ARL13B: variants seen among roughly 807,000 people sequenced by gnomAD.
ARL13B encodes ARF like GTPase 13B.
ARL13B carries 36 observed loss-of-function variants against 56.1 expected under a neutral mutation model. The ratio of observed to expected loss-of-function variants is 0.64; its 90% CI spans 0.49 to 0.85. The LOEUF is 0.85. ARL13B is among the 40% of genes least tolerant of loss of function. ARL13B has a pLI of 0.00. For synonymous variants in ARL13B, 178 were observed against 171.1 expected (o/e 1.04, Z -0.32); for missense variants, 519 against 507.1 (o/e 1.02, Z -0.23).
At chr3:93,980,938 T>G (rs1192867652) in intron 1 of ARL13B, among the ~76,000 whole-genome samples, 1 of 152,190 alleles carries the variant, frequency 6.6e-6, no homozygotes, top group Non-Finnish European at 1.5e-5. Context: ...CACTACTTAA[T>G]AATTACATGA....
chr3:93,992,967 ATTT>A (rs137978294), intron 1 of ARL13B, among the ~76,000 whole-genome samples: 39 of 114,526 alleles, frequency 3.4e-4, no homozygotes, highest in African/African-American at 1.0e-3. Context: ...TAATTTTTGT[ATTT>A]TTTTTTTTTT....
chr3:93,994,659 GTTAT>G (rs1301704143), intron 1 of ARL13B, among the ~76,000 whole-genome samples: 1 of 152,080 alleles, frequency 6.6e-6, no homozygotes. Flanking sequence ...ATGGTCAGTG[GTTAT>G]TTATTTAAGA....
chr3:94,046,180 T>C (rs1220633415), intron 7 of ARL13B, among the ~76,000 whole-genome samples: 2 of 151,804 alleles, frequency 1.3e-5, no homozygotes, highest in Non-Finnish European at 2.9e-5. Context: ...TTTTGATATA[T>C]GTATACATAT....
At chr3:94,034,160 C>T (rs145807688) in intron 3 of ARL13B, among the ~76,000 whole-genome samples, 30 of 151,662 alleles carry the variant, frequency 2.0e-4, no homozygotes, top group Non-Finnish European at 2.5e-4. Context: ...TTTTTAATAT[C>T]TGGGTGAAGT....
At chr3:93,980,577 C>G (rs1710163576) in intron 1 of ARL13B, 95 bp downstream of exon 1, 3 of 1,478,032 alleles carry the variant, frequency 2.0e-6, no homozygotes, top group Non-Finnish European at 2.8e-6. Flanking sequence ...CTGGACGAGT[C>G]TATCCCAGGC....
chr3:94,026,120 C>T (rs1341596319), intron 3 of ARL13B, among the ~76,000 whole-genome samples: 1 of 151,618 alleles, frequency 6.6e-6, no homozygotes, highest in Admixed American at 6.6e-5. Context: ...TCCGGGTTCA[C>T]GCCATTCTCC....
At chr3:94,036,878 AT>A in intron 5 of ARL13B, 124 bp downstream of exon 5, 1 of 1,128,744 alleles carries the variant, frequency 8.9e-7, no homozygotes, top group East Asian at 2.6e-5. Context: ...CACTAGGTAA[AT>A]TTTGTATTTC....
chr3:94,055,673 A>G lies in ARL13B; in HGVS notation c.*2410A>G. ...TTCAAATATAAAACTATGCATAGAA[A>G]CAACACTAGAAAGAAATGTAGTTTG... On this transcript the variant is annotated 3_prime_UTR_variant, in exon 10 of 10. Transcript: ENST00000394222. 1 of 449,850 alleles carries G rather than the reference A, an allele frequency of 2.2e-6. No individual in the cohort carries two copies. Among genetic ancestry groups the G allele is most frequent in the South Asian group, 1.6e-5 (1 of 63,522 alleles). 27.9% of individuals were successfully genotyped at this position (449,850 alleles called of 1,614,324 possible). A position where few individuals can be genotyped will look rare whatever the true frequency, so the allele number is the denominator to read the frequency against.
At position 94,003,832 on chromosome 3, in the gene ARL13B, G is replaced by A. The variant is rs778163154; in HGVS notation, c.304G>A (p.Glu102Lys). 1 of 1,613,712 alleles carries A rather than the reference G, an allele frequency of 6.2e-7. No homozygotes were observed. The highest frequency in any genetic ancestry group is 2.2e-5 in the East Asian group (1 of 44,794). The change falls in exon 3 of 10, where the codon GAG becomes AAG. Residue 102 changes from glutamate (E) to lysine (K), a missense_variant. Glu to Lys is a moderately conservative substitution (Grantham distance 56). Coordinates refer to ENST00000394222, the MANE Select transcript of ARL13B (RefSeq NM_001174150.2). ...VIFVVDSSDEERMEETKEAMS... is the reference protein window; with the variant it reads ...VIFVVDSSDEKRMEETKEAMS... Reference sequence around the variant, plus strand: ...ATTTGTTGTGGATTCCAGTGATGAAGAGAGAATGGAAGAGACAAAAGAGGC... The same window carrying A: ...ATTTGTTGTGGATTCCAGTGATGAAAAGAGAATGGAAGAGACAAAAGAGGC...
chr3:94,038,486 CTTTT>C (rs773096232), intron 5 of ARL13B, among the ~76,000 whole-genome samples: 1 of 32,766 alleles, frequency 3.1e-5, no homozygotes, highest in Non-Finnish European at 7.3e-5. Context: ...GTGTTTCTTT[CTTTT>C]TTTTTTTTTT....
chr3:93,989,509 G>C (rs368581514), intron 1 of ARL13B, among the ~76,000 whole-genome samples: 1 of 151,978 alleles, frequency 6.6e-6, no homozygotes, highest in African/African-American at 2.4e-5. Context: ...GCCAAATTGA[G>C]ACTTGATTCT....
intron 3 of ARL13B, chr3:94,014,556 A>G: frequency 6.2e-7 from 1 of 1,612,760 alleles, no homozygotes; most frequent in Non-Finnish European, 8.5e-7. Flanking sequence ...CCTCTACTAA[A>G]AGAGATATCT....
chr3:93,995,791 G>T lies in ARL13B; in HGVS notation c.60-83G>T, dbSNP rs1340127869. The T allele has an allele frequency of 1.4e-5, 17 of 1,257,698 alleles. No homozygotes were observed. The East Asian group carries it at 3.8e-4, about 28-fold the overall frequency. The allele number at this position is 1,257,698 out of a possible 1,614,324, so 77.9% of individuals were successfully genotyped here. A position where few individuals can be genotyped will look rare whatever the true frequency, so the allele number is the denominator to read the frequency against. Reference sequence around the variant, plus strand: ...GCTTAATAGGTGCTCCTTAAATGTTGATTTAATTAATGAATTTGCATTTAT... The same window carrying T: ...GCTTAATAGGTGCTCCTTAAATGTTTATTTAATTAATGAATTTGCATTTAT... On this transcript the variant is annotated intron_variant, in intron 1 of 9. Transcript: ENST00000394222.
intron 2 of ARL13B, among the ~76,000 whole-genome samples, chr3:94,001,886 G>T (rs985526235): frequency 6.6e-6 from 1 of 152,124 alleles, no homozygotes; most frequent in Non-Finnish European, 1.5e-5. Context: ...ATTTTTAAAT[G>T]CCTAGTATAA....
intron 2 of ARL13B, among the ~76,000 whole-genome samples, chr3:93,997,070 AC>A (rs936194879): frequency 6.9e-6 from 1 of 144,396 alleles, no homozygotes. Context: ...GCCTCCCATC[AC>A]CCCCCCAGAT....
intron 2 of ARL13B, among the ~76,000 whole-genome samples, chr3:94,000,617 G>A (rs2076038395): frequency 6.6e-6 from 1 of 151,566 alleles, no homozygotes; most frequent in African/African-American, 2.4e-5. Context: ...AGTTATTTGT[G>A]TATGTGTGTG....
At position 93,980,226 on chromosome 3, in the gene ARL13B, T is replaced by A. The variant is rs938066772; in HGVS notation, c.-198T>A. ...GTCTTTGGTCAGGTTGTTCCTTGGC[T>A]AAGAGGGCAGTCGTCGCGGACCCAC... On this transcript the variant is annotated 5_prime_UTR_variant, in exon 1 of 10. Coordinates refer to ENST00000394222, the MANE Select transcript of ARL13B (RefSeq NM_001174150.2). 6.9e-6 allele frequency: 5 copies of A among 724,440 alleles called. No individual in the cohort carries two copies. The highest frequency in any genetic ancestry group is 3.5e-5 in the African/African-American group (2 of 57,598). 44.9% of individuals were successfully genotyped at this position (724,440 alleles called of 1,614,324 possible).
At chr3:94,009,297 C>A (rs1007358054) in intron 3 of ARL13B, among the ~76,000 whole-genome samples, 3 of 151,984 alleles carry the variant, frequency 2.0e-5, no homozygotes, top group Non-Finnish European at 2.9e-5. Flanking sequence ...AATAGCCAGA[C>A]ATTAATTATT....
At chr3:93,997,813 C>T (rs957606103) in intron 2 of ARL13B, among the ~76,000 whole-genome samples, 33 of 152,100 alleles carry the variant, frequency 2.2e-4, no homozygotes, top group Non-Finnish European at 4.3e-4. Flanking sequence ...ATGGCGAAAC[C>T]CCATCTCTAC....
Sources: gnomAD v4.1 joint callset for allele counts (sites outside exome capture counted in the v4.1 genomes callset) on GRCh38, gnomAD v4.1.1 for gene constraint, MANE v1.5 for transcripts, NCBI Gene and HGNC (gene_info 2026-07-23, HGNC 2026-07-21) for gene names.